The following DMXL1 variants were observed in gnomAD, a reference collection of about 807,000 sequenced individuals.
DMXL1 encodes the protein dmX-like protein 1.
A neutral mutation model predicts 319.2 loss-of-function variants in DMXL1; 99 were observed. The observed-to-expected ratio is 0.31, with a 90% CI of 0.26 to 0.37. DMXL1 has a LOEUF of 0.37. Among genes scored for constraint, DMXL1 ranks in the 10% least tolerant of loss-of-function variants. The probability of loss-of-function intolerance (pLI) is 1.00; values close to 1 mark genes in which losing one functional copy is unlikely to be tolerated. For missense variants in DMXL1, 3,745 were observed against 3,595.6 expected, an observed-to-expected ratio of 1.04 and a Z score of -1.06; for synonymous variants, 1,385 against 1,235.2, an observed-to-expected ratio of 1.12 and a Z score of -2.54.
chr5:119,104,290 T>C (rs1161414093), intron 3 of DMXL1: 1 of 152,218 alleles, frequency 6.6e-6, no homozygotes, highest in African/African-American at 2.4e-5. Context: ...TGTACTGTGA[T>C]TGAAAGACAT....
At chr5:119,081,016 T>C (rs1273138016) in intron 1 of DMXL1, among the ~76,000 whole-genome samples, 1 of 152,226 alleles carries the variant, frequency 6.6e-6, no homozygotes, top group Non-Finnish European at 1.5e-5. Flanking sequence ...ATTTGTAGCC[T>C]ATCTTATAAT....
rs111946560 is a variant in DMXL1, at chr5:119,238,604, G to A, written c.8560-385G>A. Among the ~76,000 whole-genome samples the A allele has an allele frequency of 3.4e-3, 512 of 152,190 alleles. 2 individuals carry two copies. Among genetic ancestry groups the A allele is most frequent in the African/African-American group, 0.012 (502 of 41,526 alleles). On this transcript the variant is annotated intron_variant, in intron 40 of 43. Transcript: ENST00000539542. ...TGAAACAGAAATTTTCACTATGCTA[G>A]GAGAAGGTCTTTAAGTTTAACCTCA...
chr5:119,178,805 A>C (rs1776293295), intron 28 of DMXL1: 1 of 253,890 alleles, frequency 3.9e-6, no homozygotes, highest in African/African-American at 2.3e-5. Flanking sequence ...AAAATTGAGA[A>C]GTTTCCTTTG....
intron 21 of DMXL1, among the ~76,000 whole-genome samples, chr5:119,165,643 C>T (rs949632282): frequency 6.6e-6 from 1 of 152,210 alleles, no homozygotes; most frequent in East Asian, 1.9e-4. Context: ...ATTGGACTTA[C>T]AGTTCCACGT....
At chr5:119,156,124 G>A (rs909622804) in intron 19 of DMXL1, among the ~76,000 whole-genome samples, 7 of 152,162 alleles carry the variant, frequency 4.6e-5, no homozygotes, top group East Asian at 1.9e-4. Flanking sequence ...CTTCATTGTT[G>A]CCTTATTTTA....
chr5:119,122,856 A>T (rs1762510340), intron 9 of DMXL1, among the ~76,000 whole-genome samples: 1 of 151,070 alleles, frequency 6.6e-6, no homozygotes, highest in South Asian at 2.1e-4. Flanking sequence ...CACATCCCAG[A>T]CGATGGGCGG....
At chr5:119,076,503 T>C (rs1168100546) in intron 1 of DMXL1, among the ~76,000 whole-genome samples, 1 of 152,176 alleles carries the variant, frequency 6.6e-6, no homozygotes, top group Non-Finnish European at 1.5e-5. Context: ...GAAAGGTGTT[T>C]GTGGTGCATA....
At chr5:119,241,999 C>T (rs956729283) in intron 42 of DMXL1, among the ~76,000 whole-genome samples, 8 of 152,124 alleles carry the variant, frequency 5.3e-5, no homozygotes, top group East Asian at 3.8e-4. Context: ...TCTCGACTGT[C>T]GATGGCACCA....
At chr5:119,244,684 C>T (rs914650633) in intron 43 of DMXL1, 108 bp downstream of exon 43, 14 of 735,116 alleles carry the variant, frequency 1.9e-5, no homozygotes, top group Non-Finnish European at 3.1e-5. Flanking sequence ...TATATTAATT[C>T]CTTTGTAGTC....
chr5:119,195,992 T>C (rs1779546484), intron 30 of DMXL1, among the ~76,000 whole-genome samples: 1 of 152,196 alleles, frequency 6.6e-6, no homozygotes, highest in Non-Finnish European at 1.5e-5. Context: ...TTATTCCCCC[T>C]GCTTTCTTGC....
At chr5:119,197,665 TGC>T in intron 31 of DMXL1, 88 bp from the exon 32 acceptor site, 1 of 1,169,220 alleles carries the variant, frequency 8.6e-7, no homozygotes, top group Non-Finnish European at 1.2e-6. Context: ...TTCCTGCATC[TGC>T]TCTCCCCTCT....
chr5:119,214,440 C>G lies in DMXL1; in HGVS notation c.7927-2461C>G, dbSNP rs146123130. ...CCCTTTATGTTTTATCTCACAGTAGCCTGGCTTTTCAAAATCCACCAATGG... is the reference window on the plus strand; with the variant it reads ...CCCTTTATGTTTTATCTCACAGTAGGCTGGCTTTTCAAAATCCACCAATGG... On this transcript the variant is annotated intron_variant, in intron 34 of 43. Transcript: ENST00000539542. 5.8e-4 allele frequency among the ~76,000 whole-genome samples: 89 copies of G among 152,268 alleles called. 4 individuals are homozygous for G. In the East Asian group the frequency reaches 0.017, roughly 28 times the overall value.
chr5:119,133,974 A>T lies in DMXL1; in HGVS notation c.2050A>T (p.Thr684Ser). ...TCTAAATATTGAAGAATGCTCTTTG[A>T]CACAACAAAATAAAAGCACTGTTGA... is the stretch of plus-strand genomic sequence containing the variant. ...DALNIEECSL[T>S]QQNKSTVDVA... is the part of the protein sequence containing the mutation. The change falls in exon 12 of 44, where the codon ACA becomes TCA. Residue 684 changes from threonine to serine, a missense_variant. Coordinates refer to ENST00000539542, the MANE Select transcript of DMXL1 (RefSeq NM_001290321.3). 14 of 1,614,214 alleles carry T rather than the reference A, an allele frequency of 8.7e-6. No homozygotes were observed. Among genetic ancestry groups the T allele is most frequent in the Non-Finnish European group, 1.2e-5 (14 of 1,180,040 alleles).
chr5:119,142,788 A>G (rs149779363), intron 13 of DMXL1, among the ~76,000 whole-genome samples: 17 of 152,244 alleles, frequency 1.1e-4, no homozygotes, highest in African/African-American at 3.9e-4. Flanking sequence ...AATCAACCCA[A>G]ATGCCCATGA....
chr5:119,197,518 C>G (rs1779852686), intron 31 of DMXL1, among the ~76,000 whole-genome samples: 1 of 152,090 alleles, frequency 6.6e-6, no homozygotes, highest in African/African-American at 2.4e-5. Context: ...ATATTAAGGT[C>G]AAAAGCAGTA....
At chr5:119,219,717 G>A (rs1333427785) in intron 35 of DMXL1, among the ~76,000 whole-genome samples, 1 of 151,980 alleles carries the variant, frequency 6.6e-6, no homozygotes, top group African/African-American at 2.4e-5. Context: ...GCAGGTGCAT[G>A]CCACCATGCC....
chr5:119,180,519 T>A (rs916470275), intron 28 of DMXL1, among the ~76,000 whole-genome samples: 1 of 152,194 alleles, frequency 6.6e-6, no homozygotes, highest in Admixed American at 6.5e-5. Context: ...CATTTACTTC[T>A]CCTTTTTCTT....
rs773694524 is a variant in DMXL1 at position 119,129,193 on chromosome 5, CT to C, written c.1103-10del. ...TAGAAGGTAAAAATTTTAATTTTAT[CT>C]TTTTTTTCTCTTATAGACATTCCAC... On this transcript the variant is annotated splice_polypyrimidine_tract_variant and intron_variant, in intron 9 of 43. Transcript: ENST00000539542. 19 of 1,493,974 alleles carry C rather than the reference CT, an allele frequency of 1.3e-5. No individual in the cohort carries two copies. Among genetic ancestry groups the C allele is most frequent in the South Asian group, 5.2e-5 (4 of 77,256 alleles). 92.5% of individuals were successfully genotyped at this position (1,493,974 alleles called of 1,614,324 possible). A position where few individuals can be genotyped will look rare whatever the true frequency, so the allele number is the denominator to read the frequency against.
intron 5 of DMXL1, among the ~76,000 whole-genome samples, chr5:119,113,328 A>G (rs1020913176): frequency 6.6e-6 from 1 of 151,760 alleles, no homozygotes; most frequent in African/African-American, 2.4e-5. Context: ...TGCAACCTCT[A>G]CCTCCTGGGT....
Sources: gnomAD v4.1 joint callset for allele counts (sites outside exome capture counted in the v4.1 genomes callset) on GRCh38, gnomAD v4.1.1 for gene constraint, MANE v1.5 for transcripts, NCBI Gene and HGNC (gene_info 2026-07-23, HGNC 2026-07-21) for gene names.